Variants in NWD2 observed in about 807,000 individuals in gnomAD.
NWD2 encodes the protein NACHT and WD repeat domain-containing protein 2.
NWD2 carries 37 observed loss-of-function variants against 132.7 expected under a neutral mutation model. The ratio of observed to expected loss-of-function variants is 0.28; its 90% CI spans 0.21 to 0.37. The LOEUF (loss-of-function observed/expected upper bound fraction) is 0.37, where lower values mean the gene tolerates loss of function less well. Ranked by LOEUF, NWD2 falls within the 10% of genes least tolerant of loss-of-function variation. NWD2 has a pLI of 1.00. For missense variants in NWD2, 1,592 were observed against 2,122.4 expected, an observed-to-expected ratio of 0.75 and a Z score of 4.91; for synonymous variants, 705 against 803.0, an observed-to-expected ratio of 0.88 and a Z score of 2.06.
At chr4:37,397,849 C>A (rs1720829674) in intron 3 of NWD2, among the ~76,000 whole-genome samples, 1 of 151,996 alleles carries the variant, frequency 6.6e-6, no homozygotes, top group Non-Finnish European at 1.5e-5. Flanking sequence ...TTCTGTTATT[C>A]TCTCTGTCCA....
intron 1 of NWD2, among the ~76,000 whole-genome samples, chr4:37,268,003 G>A (rs952444539): frequency 6.6e-6 from 1 of 151,768 alleles, no homozygotes; most frequent in Admixed American, 6.6e-5. Context: ...CCTGTGGCTT[G>A]TCTTGCTTCC....
At chr4:37,313,442 G>T (rs1185270799) in intron 1 of NWD2, among the ~76,000 whole-genome samples, 1 of 151,058 alleles carries the variant, frequency 6.6e-6, no homozygotes, top group Non-Finnish European at 1.5e-5. Context: ...TTCTCTGATG[G>T]TAGTTTGTAT....
chr4:37,393,195 T>TTG (rs910867423), intron 3 of NWD2, among the ~76,000 whole-genome samples: 11 of 7,956 alleles, frequency 1.4e-3, no homozygotes, highest in African/African-American at 3.0e-3. Context: ...CATCCGGGGG[T>TTG]TGGGGGGAGA....
At chr4:37,249,013 C>T (rs542109435) in intron 1 of NWD2, among the ~76,000 whole-genome samples, 68 of 152,300 alleles carry the variant, frequency 4.5e-4, no homozygotes, top group African/African-American at 1.6e-3. Flanking sequence ...TTATACAGAA[C>T]TTTCTGTGAT....
intron 1 of NWD2, among the ~76,000 whole-genome samples, chr4:37,319,818 G>T (rs1327752522): frequency 3.9e-5 from 6 of 152,054 alleles, no homozygotes; most frequent in Non-Finnish European, 5.9e-5. Flanking sequence ...TCTCTATTAT[G>T]TTACGTTGGT....
intron 1 of NWD2, among the ~76,000 whole-genome samples, chr4:37,281,816 T>C (rs149609077): frequency 6.6e-6 from 1 of 152,338 alleles, no homozygotes; most frequent in African/African-American, 2.4e-5. Context: ...ATAATCATGG[T>C]TACAATCAAA....
At chr4:37,250,530 A>G (rs1228588426) in intron 1 of NWD2, among the ~76,000 whole-genome samples, 1 of 152,244 alleles carries the variant, frequency 6.6e-6, no homozygotes, top group Non-Finnish European at 1.5e-5. Context: ...AGTAGATTAC[A>G]TAAGCTAATA....
intron 3 of NWD2, among the ~76,000 whole-genome samples, chr4:37,426,870 G>A (rs929995178): frequency 6.6e-6 from 1 of 152,118 alleles, no homozygotes; most frequent in Non-Finnish European, 1.5e-5. Context: ...CTGAATCCTA[G>A]TCTCTAAGAC....
intron 2 of NWD2, among the ~76,000 whole-genome samples, chr4:37,334,727 A>G (rs942650782): frequency 6.6e-6 from 1 of 152,150 alleles, no homozygotes; most frequent in African/African-American, 2.4e-5. Flanking sequence ...AGAAATCTCC[A>G]TCCGAGTCCA....
intron 1 of NWD2, among the ~76,000 whole-genome samples, chr4:37,322,085 G>A (rs771016303): frequency 7.8e-4 from 119 of 152,264 alleles, no homozygotes; most frequent in Non-Finnish European, 1.2e-3. Context: ...GGCAATTGCA[G>A]GGAAACCATG....
At position 37,444,006 on chromosome 4, in the gene NWD2, G is replaced by A. The variant is rs1040212999; in HGVS notation, c.2018G>A (p.Ser673Asn). 1.9e-6 allele frequency: 3 copies of A among 1,552,114 alleles called. No individual in the cohort carries two copies. The highest frequency in any genetic ancestry group is 1.4e-5 in the African/African-American group (1 of 73,046). The change falls in exon 7 of 7, where the codon AGT becomes AAT. Residue 673 changes from serine to asparagine, a missense_variant. Ser to Asn is a conservative substitution (Grantham distance 46). Coordinates refer to ENST00000309447, the MANE Select transcript of NWD2 (RefSeq NM_001144990.2). The surrounding 1 kb of genome is among the most constrained non-coding windows in gnomAD (Gnocchi z 4.8). ...ATCACCATGGCCAAAATGGGTCTGAGTGAAATGGAACTGGAGGATGTGTTA... is the reference window on the plus strand; with the variant it reads ...ATCACCATGGCCAAAATGGGTCTGAATGAAATGGAACTGGAGGATGTGTTA... Reference protein sequence around the residue: ...GYITMAKMGLSEMELEDVLAL... With the variant: ...GYITMAKMGLNEMELEDVLAL...
intron 1 of NWD2, among the ~76,000 whole-genome samples, chr4:37,315,619 A>G (rs1718940574): frequency 6.6e-6 from 1 of 151,882 alleles, no homozygotes; most frequent in Non-Finnish European, 1.5e-5. Flanking sequence ...TTAGTTGGAT[A>G]TTGTTTTGTT....
rs551719812 is a variant in NWD2 at position 37,276,719 on chromosome 4, A to C, written c.151+31501A>C. 2.6e-5 allele frequency among the ~76,000 whole-genome samples: 4 copies of C among 152,304 alleles called. No homozygotes were observed. In the East Asian group the frequency reaches 7.7e-4, roughly 29 times the overall value. On this transcript the variant is annotated intron_variant, in intron 1 of 6. Transcript: ENST00000309447. ...TATCGCGGCACTATTCACAATAGCA[A>C]AGACTTGGAACCAACCCAAATGTCC... is the stretch of plus-strand genomic sequence containing the variant.
intron 2 of NWD2, among the ~76,000 whole-genome samples, chr4:37,352,440 C>A (rs1719789308): frequency 6.6e-6 from 1 of 152,004 alleles, no homozygotes; most frequent in Admixed American, 6.6e-5. Context: ...TCTCATTCAT[C>A]TGTCTAATAT....
intron 3 of NWD2, among the ~76,000 whole-genome samples, chr4:37,359,505 T>C (rs1183634341): frequency 6.6e-6 from 1 of 152,132 alleles, no homozygotes; most frequent in African/African-American, 2.4e-5. Context: ...TGGATATTTC[T>C]AGAAGTCATG....
intron 1 of NWD2, among the ~76,000 whole-genome samples, chr4:37,253,034 C>T (rs188061986): frequency 7.5e-5 from 11 of 146,102 alleles, no homozygotes; most frequent in Non-Finnish European, 3.0e-5. Context: ...GTTTCTTTGA[C>T]CTCCCTTTGT....
chr4:37,444,349 C>T lies in NWD2; in HGVS notation c.2361C>T (p.Asp787=). ...LEDPYLNGCL[D]LENRSLLEEE... ...ACCCCTACTTGAATGGCTGCCTTGA[C>T]TTGGAGAACAGAAGTTTGCTGGAGG... The change falls in exon 7 of 7, where the codon GAC becomes GAT. Residue 787 remains aspartate (D), a synonymous_variant. Transcript: ENST00000309447. This position sits in a 1 kb window ranked among gnomAD's most constrained non-coding sequence, Gnocchi z 4.8. 6.4e-7 allele frequency: 1 copy of T among 1,551,980 alleles called. No homozygotes were observed. Among genetic ancestry groups the T allele is most frequent in the Non-Finnish European group, 8.7e-7 (1 of 1,147,076 alleles).
At chr4:37,394,799 GTTTTTTTTTTTTTTTTT>G (rs1175840735) in intron 3 of NWD2, among the ~76,000 whole-genome samples, 1 of 52,594 alleles carries the variant, frequency 1.9e-5, no homozygotes, top group Non-Finnish European at 3.2e-5. Flanking sequence ...AACCTTTATG[GTTTTTTTTTTTTTTTTT>G]TTTTTTTTTT....
chr4:37,292,026 C>T (rs1718371801), intron 1 of NWD2, among the ~76,000 whole-genome samples: 1 of 151,960 alleles, frequency 6.6e-6, no homozygotes, highest in East Asian at 1.9e-4. Flanking sequence ...TGAACAGGGC[C>T]ACACATCATT....
Sources: allele counts gnomAD v4.1 joint callset (sites outside exome capture counted in the v4.1 genomes callset), GRCh38; gene constraint gnomAD v4.1.1; non-coding constraint Gnocchi (gnomAD v3.1); transcripts MANE v1.5; gene names NCBI Gene and HGNC (gene_info 2026-07-23, HGNC 2026-07-21).